THSD7A: variants seen among roughly 807,000 people sequenced by gnomAD.
THSD7A encodes the protein thrombospondin type 1 domain containing 7A, also known as thrombospondin type-1 domain-containing protein 7A.
THSD7A carries 96 observed loss-of-function variants against 231.3 expected under a neutral mutation model. That is an observed-to-expected ratio of 0.41 (90% confidence interval 0.35 to 0.49). The LOEUF is 0.49. THSD7A is among the 20% of genes least tolerant of loss of function. The pLI, the probability that THSD7A is intolerant of heterozygous loss-of-function variation, is 0.05. For missense variants in THSD7A, 2,290 were observed against 2,070.2 expected (o/e 1.11, Z -2.06); for synonymous variants, 940 against 743.3 (o/e 1.26, Z -4.30).
intron 1 of THSD7A, among the ~76,000 whole-genome samples, chr7:11,737,776 A>G (rs1222282839): frequency 6.6e-6 from 1 of 152,062 alleles, no homozygotes; most frequent in Non-Finnish European, 1.5e-5. Flanking sequence ...ATACCCACAG[A>G]TCTAAGAGCA....
chr7:11,819,156 T>A (rs1210062235), intron 1 of THSD7A, among the ~76,000 whole-genome samples: 1 of 152,092 alleles, frequency 6.6e-6, no homozygotes, highest in Non-Finnish European at 1.5e-5. Context: ...TTAGAATGGC[T>A]AAAATAAAAA....
rs1015715774 is a variant in THSD7A at position 11,411,385 on chromosome 7, T to A, written c.3683-63A>T. On this transcript the variant is annotated intron_variant, in intron 18 of 27. Transcript: ENST00000423059. The surrounding 1 kb of genome is among the most constrained non-coding windows in gnomAD (Gnocchi z 4.1). ...GTAAGAAACAGATTTCAAATGAAAC[T>A]CTGATGACCTGAATCCCATATTTAA... The A allele has an allele frequency of 2.7e-6, 3 of 1,094,574 alleles. No homozygotes were observed. The highest frequency in any genetic ancestry group is 4.1e-6 in the Non-Finnish European group (3 of 733,222). The allele number at this position is 1,094,574 out of a possible 1,614,324, so 67.8% of individuals were successfully genotyped here. A position where few individuals can be genotyped will look rare whatever the true frequency, so the allele number is the denominator to read the frequency against.
At chr7:11,386,290 A>C (rs967682846) in intron 23 of THSD7A, among the ~76,000 whole-genome samples, 1 of 152,228 alleles carries the variant, frequency 6.6e-6, no homozygotes, top group African/African-American at 2.4e-5. Context: ...AGGAACCACC[A>C]CACTATCTTC....
chr7:11,764,569 CAAA>C (rs11423096), intron 1 of THSD7A, among the ~76,000 whole-genome samples: 26 of 106,298 alleles, frequency 2.4e-4, no homozygotes, highest in East Asian at 1.4e-3. Flanking sequence ...GACTCCGTCT[CAAA>C]AAAAAAAAAA....
intron 1 of THSD7A, among the ~76,000 whole-genome samples, chr7:11,701,724 A>G (rs1274956370): frequency 6.6e-6 from 1 of 151,144 alleles, no homozygotes; most frequent in Non-Finnish European, 1.5e-5. Flanking sequence ...GTAGATGTTG[A>G]TCCTTGAGCC....
chr7:11,734,881 T>C (rs1050592387), intron 1 of THSD7A, among the ~76,000 whole-genome samples: 1 of 151,938 alleles, frequency 6.6e-6, no homozygotes, highest in African/African-American at 2.4e-5. Context: ...GATGATTTTA[T>C]AGTCATTTTT....
intron 17 of THSD7A, among the ~76,000 whole-genome samples, chr7:11,415,683 C>T (rs933444040): frequency 6.6e-5 from 10 of 152,232 alleles, no homozygotes; most frequent in Non-Finnish European, 4.4e-5. Context: ...ATGCCTGTCT[C>T]TCTTCCTAAG....
chr7:11,685,764 G>T (rs10271189), intron 1 of THSD7A, among the ~76,000 whole-genome samples: 7,037 of 151,882 alleles, frequency 0.046, 553 homozygotes, highest in African/African-American at 0.16. Context: ...CATACACTGT[G>T]GGTGGTAATG....
intron 2 of THSD7A, among the ~76,000 whole-genome samples, chr7:11,598,802 T>C (rs927795551): frequency 1.3e-5 from 2 of 152,190 alleles, no homozygotes; most frequent in African/African-American, 4.8e-5. Context: ...TTTTGCTTCC[T>C]GTTCCTGCAA....
intron 1 of THSD7A, among the ~76,000 whole-genome samples, chr7:11,725,350 C>G (rs999366535): frequency 6.6e-6 from 1 of 151,894 alleles, no homozygotes; most frequent in Non-Finnish European, 1.5e-5. Context: ...ATGCTTTGAT[C>G]ACAGTTCCTA....
At chr7:11,825,300 T>A (rs2128188197) in intron 1 of THSD7A, among the ~76,000 whole-genome samples, 1 of 152,220 alleles carries the variant, frequency 6.6e-6, no homozygotes, top group African/African-American at 2.4e-5. Context: ...TGTTCTAAGG[T>A]GAAAAACAGA....
chr7:11,669,829 C>T (rs1783302906), intron 1 of THSD7A, among the ~76,000 whole-genome samples: 1 of 151,980 alleles, frequency 6.6e-6, no homozygotes, highest in African/African-American at 2.4e-5. Flanking sequence ...ATATATAATC[C>T]TTCATCTAAG....
Position 11,691,161 on chromosome 7 carries a change from C to A in THSD7A, c.191-54200G>T, listed in dbSNP as rs532101617. On this transcript the variant is annotated intron_variant, in intron 1 of 27. Transcript: ENST00000423059. ...TTCATGCATTTTTAAAATTTATTAA[C>A]CATTTATTTCTTGAACTTGGTAAGT... is the stretch of plus-strand genomic sequence containing the variant. Among the ~76,000 whole-genome samples the A allele has an allele frequency of 5.9e-5, 9 of 151,514 alleles. No individual in the cohort carries two copies. The South Asian group carries it at 1.7e-3, about 28-fold the overall frequency.
Position 11,590,597 on chromosome 7 carries a change from G to C in THSD7A, c.1316C>G (p.Pro439Arg), listed in dbSNP as rs557343659. 2.5e-6 allele frequency: 4 copies of C among 1,613,446 alleles called. No individual in the cohort carries two copies. The highest frequency in any genetic ancestry group is 4.5e-5 in the East Asian group (2 of 44,846). The change falls in exon 4 of 28, where the codon CCT becomes CGT. Residue 439 changes from proline (P) to arginine (R), a missense_variant. Transcript: ENST00000423059. The surrounding 1 kb of genome is among the most constrained non-coding windows in gnomAD (Gnocchi z 4.4). Reference sequence around the variant, plus strand: ...CCTCTTGTCCTGCTGACTGAGCAAAGGGTCCACACGGCACTCAGTCCACTC... The same window carrying C: ...CCTCTTGTCCTGCTGACTGAGCAAACGGTCCACACGGCACTCAGTCCACTC... The part of the protein sequence containing the change: ...TTEWTECRVD[P>R]LLSQQDKRRG...
At chr7:11,622,619 G>A (rs1257815180) in intron 2 of THSD7A, among the ~76,000 whole-genome samples, 5 of 151,946 alleles carry the variant, frequency 3.3e-5, no homozygotes, top group African/African-American at 7.3e-5. Flanking sequence ...CTAAGCTCCC[G>A]GCAGATAGGT....
chr7:11,413,477 C>T (rs144607540), intron 17 of THSD7A, among the ~76,000 whole-genome samples: 25 of 152,232 alleles, frequency 1.6e-4, no homozygotes, highest in African/African-American at 6.0e-4. Flanking sequence ...TGTCTTGAAA[C>T]TGCCTTTGCA....
intron 1 of THSD7A, among the ~76,000 whole-genome samples, chr7:11,792,520 A>T (rs1783988416): frequency 6.6e-6 from 1 of 151,820 alleles, no homozygotes; most frequent in Admixed American, 6.6e-5. Flanking sequence ...GCTCCACCAC[A>T]CAGGGCAATC....
intron 22 of THSD7A, among the ~76,000 whole-genome samples, chr7:11,402,659 A>G (rs138733271): frequency 6.6e-6 from 1 of 152,190 alleles, no homozygotes; most frequent in South Asian, 2.1e-4. Context: ...TCAACACCCA[A>G]ATCAAGGAAC....
At chr7:11,526,666 C>T (rs1179490327) in intron 6 of THSD7A, among the ~76,000 whole-genome samples, 1 of 152,114 alleles carries the variant, frequency 6.6e-6, no homozygotes, top group Non-Finnish European at 1.5e-5. Context: ...CTGATGAGAG[C>T]TGATGGTTTT....
Sources: allele counts gnomAD v4.1 joint callset (sites outside exome capture counted in the v4.1 genomes callset), GRCh38; gene constraint gnomAD v4.1.1; non-coding constraint Gnocchi (gnomAD v3.1); transcripts MANE v1.5; gene names NCBI Gene and HGNC (gene_info 2026-07-23, HGNC 2026-07-21).